Variants in MAML3 observed in about 807,000 individuals in gnomAD.
MAML3 encodes mastermind like transcriptional coactivator 3, also known as mastermind-like protein 3.
Under a neutral mutation model 101.9 loss-of-function variants are expected in MAML3, and 27 were observed. The observed-to-expected ratio is 0.27, with a 90% confidence interval of 0.20 to 0.37. MAML3 has a LOEUF of 0.37. MAML3 is among the 10% of genes least tolerant of loss of function. MAML3 has a pLI of 1.00. For missense variants in MAML3, 1,316 were observed against 1,444.9 expected (o/e 0.91, Z 1.45); for synonymous variants, 501 against 555.9 (o/e 0.90, Z 1.39).
At position 140,153,479 on chromosome 4, in the gene MAML3, A is replaced by C; in HGVS notation, c.-152T>G. ...AACGGCGATCCCGACGGGGCGAAAA[A>C]AACGGGGGGGGAGATTTTGGGGTGG... On this transcript the variant is annotated 5_prime_UTR_variant, in exon 1 of 5. Transcript: ENST00000509479. 4.9e-6 allele frequency: 4 copies of C among 811,990 alleles called. No individual in the cohort carries two copies. The highest frequency in any genetic ancestry group is 6.9e-6 in the Non-Finnish European group (4 of 578,440). 50.3% of individuals were successfully genotyped at this position (811,990 alleles called of 1,614,324 possible).
intron 1 of MAML3, among the ~76,000 whole-genome samples, chr4:139,908,012 AGCTTAGAGTGAGGG>A (rs555003434): frequency 1.3e-5 from 2 of 152,254 alleles, no homozygotes; most frequent in African/African-American, 4.8e-5. Flanking sequence ...ACCTATTGTA[AGCTTAGAGTGAGGG>A]GCTCTGGGAC....
At position 140,029,077 on chromosome 4, in the gene MAML3, G is replaced by A. The variant is rs571455162; in HGVS notation, c.468+123783C>T. On this transcript the variant is annotated intron_variant, in intron 1 of 4. Transcript: ENST00000509479. ...AAGGTAACAAGTGCTGCAGAACCAC[G>A]GGACCCAGCTAAATGGTCAGAGACT... is the stretch of plus-strand genomic sequence containing the variant. Among the ~76,000 whole-genome samples, 15 of 152,234 alleles carry A rather than the reference G, an allele frequency of 9.9e-5. No homozygotes were observed. In the South Asian group the frequency reaches 2.5e-3, roughly 25 times the overall value.
intron 1 of MAML3, among the ~76,000 whole-genome samples, chr4:139,974,822 T>C (rs889655572): frequency 8.6e-5 from 13 of 151,954 alleles, no homozygotes; most frequent in African/African-American, 3.1e-4. Flanking sequence ...GTGGCAAAGG[T>C]TTTCTGGAAA....
chr4:140,022,015 G>C (rs56166763), intron 1 of MAML3, among the ~76,000 whole-genome samples: 39,768 of 152,124 alleles, frequency 0.26, 6,339 homozygotes, highest in Non-Finnish European at 0.36. Flanking sequence ...TAGCAGAGAT[G>C]GAGTGCTAAC....
In MAML3 at chr4:139,809,536, C is replaced by G. The variant is rs562256200; in HGVS notation, c.2080-78869G>C. 3.9e-5 allele frequency among the ~76,000 whole-genome samples: 6 copies of G among 152,338 alleles called. No homozygotes were observed. In the East Asian group the frequency reaches 1.2e-3, roughly 29 times the overall value. On this transcript the variant is annotated intron_variant, in intron 2 of 4. Coordinates refer to ENST00000509479, the MANE Select transcript of MAML3 (RefSeq NM_018717.5). The stretch of plus-strand genomic sequence containing the variant: ...TGGAGATGTGACCCTGGTCCCCACC[C>G]TCTGCTAGATTGTGCACCGGCACAC...
At chr4:139,861,216 C>CT (rs1028302539) in intron 2 of MAML3, among the ~76,000 whole-genome samples, 3 of 152,080 alleles carry the variant, frequency 2.0e-5, no homozygotes, top group Non-Finnish European at 4.4e-5. Flanking sequence ...TCACTTCTTT[C>CT]TTATTTCTCT....
At chr4:139,882,063 A>G (rs757780966) in intron 2 of MAML3, among the ~76,000 whole-genome samples, 2 of 152,152 alleles carry the variant, frequency 1.3e-5, no homozygotes, top group Non-Finnish European at 2.9e-5. Flanking sequence ...GTATAGAAAG[A>G]GCCTATGGAA....
At chr4:140,045,254 G>A (rs1196255310) in intron 1 of MAML3, among the ~76,000 whole-genome samples, 2 of 152,084 alleles carry the variant, frequency 1.3e-5, no homozygotes, top group Non-Finnish European at 2.9e-5. Flanking sequence ...AATTAGATGG[G>A]CATGGTGGCA....
chr4:139,860,950 T>C (rs890520659), intron 2 of MAML3, among the ~76,000 whole-genome samples: 1 of 152,160 alleles, frequency 6.6e-6, no homozygotes, highest in Non-Finnish European at 1.5e-5. Flanking sequence ...GTATTGTAGG[T>C]ACTCAGTGTT....
rs1276546553 is a variant in MAML3 at position 140,104,384 on chromosome 4, T to A, written c.468+48476A>T. Among the ~76,000 whole-genome samples the A allele has an allele frequency of 1.7e-3, 99 of 57,706 alleles. 6 individuals carry two copies. Among genetic ancestry groups the A allele is most frequent in the African/African-American group, 3.9e-3 (92 of 23,500 alleles). The allele number at this position is 57,706 out of a possible 152,430, so 37.9% of individuals were successfully genotyped here. On this transcript the variant is annotated intron_variant, in intron 1 of 4. Transcript: ENST00000509479. ...ATTTTATATATATATATAATATATA[T>A]ATATTATATATTATATAATATATAA...
intron 1 of MAML3, among the ~76,000 whole-genome samples, chr4:140,023,410 T>A (rs1281361841): frequency 6.6e-6 from 1 of 152,180 alleles, no homozygotes; most frequent in Non-Finnish European, 1.5e-5. Context: ...GCATGTGCCC[T>A]CCTGCTAAGC....
At chr4:140,100,605 G>T (rs549010155) in intron 1 of MAML3, among the ~76,000 whole-genome samples, 6 of 151,552 alleles carry the variant, frequency 4.0e-5, no homozygotes, top group African/African-American at 1.5e-4. Flanking sequence ...TTCAAATTCT[G>T]GCAAAACTAA....
intron 1 of MAML3, among the ~76,000 whole-genome samples, chr4:140,147,551 C>G (rs1249225136): frequency 6.6e-6 from 1 of 152,166 alleles, no homozygotes. Flanking sequence ...GCCAGGGGAT[C>G]TGAAAACTCA....
intron 1 of MAML3, among the ~76,000 whole-genome samples, chr4:139,911,369 C>T (rs987534697): frequency 3.3e-5 from 5 of 152,176 alleles, no homozygotes; most frequent in Admixed American, 2.0e-4. Context: ...AGGCGCACAC[C>T]ACCACACCCA....
intron 1 of MAML3, among the ~76,000 whole-genome samples, chr4:140,081,612 C>G (rs1400544054): frequency 6.6e-6 from 1 of 152,140 alleles, no homozygotes; most frequent in Non-Finnish European, 1.5e-5. Context: ...GTCAACAGTG[C>G]CCCAATTTGA....
In MAML3 at chr4:139,824,390, C is replaced by T. The variant is rs141082091; in HGVS notation, c.2079+64967G>A. 8.2e-4 allele frequency among the ~76,000 whole-genome samples: 125 copies of T among 152,320 alleles called. 1 individual carries two copies. Among genetic ancestry groups the T allele is most frequent in the African/African-American group, 2.9e-3 (122 of 41,552 alleles). ...AAAATAGAATCAAACCCAAGCTGGG[C>T]ATCTCTCAGCGTCTCCCAGTTGCTG... On this transcript the variant is annotated intron_variant, in intron 2 of 4. Transcript: ENST00000509479.
intron 1 of MAML3, among the ~76,000 whole-genome samples, chr4:140,054,812 C>T (rs1164985151): frequency 1.3e-5 from 2 of 152,186 alleles, no homozygotes; most frequent in East Asian, 1.9e-4. Context: ...GATGAGTCCC[C>T]ACCTCTGTCT....
intron 1 of MAML3, among the ~76,000 whole-genome samples, chr4:140,099,776 C>T (rs866910218): frequency 2.4e-4 from 37 of 152,194 alleles, no homozygotes; most frequent in Admixed American, 1.8e-3. Context: ...CCTCTCAAAA[C>T]CTTTCTTTTC....
At chr4:139,863,262 A>T (rs1731820711) in intron 2 of MAML3, among the ~76,000 whole-genome samples, 1 of 151,942 alleles carries the variant, frequency 6.6e-6, no homozygotes, top group Admixed American at 6.6e-5. Context: ...GTGTTAAAAA[A>T]TATGGTAAGT....
Sources: allele counts gnomAD v4.1 joint callset (sites outside exome capture counted in the v4.1 genomes callset), GRCh38; gene constraint gnomAD v4.1.1; transcripts MANE v1.5; gene names NCBI Gene and HGNC (gene_info 2026-07-23, HGNC 2026-07-21).